ZNF385B: variants seen among roughly 807,000 people sequenced by gnomAD.
ZNF385B encodes the protein zinc finger protein 385B.
ZNF385B carries 23 observed loss-of-function variants against 39.2 expected under a neutral mutation model. The ratio of observed to expected loss-of-function variants is 0.59; its 90% CI spans 0.42 to 0.83. The LOEUF is 0.83. ZNF385B is among the 40% of genes least tolerant of loss of function. ZNF385B has a pLI of 0.00. For synonymous variants in ZNF385B, 205 were observed against 222.6 expected (o/e 0.92, Z 0.70); for missense variants, 552 against 598.9 (o/e 0.92, Z 0.82).
At chr2:179,446,116 T>C (rs1242953487) in intron 7 of ZNF385B, among the ~76,000 whole-genome samples, 1 of 152,322 alleles carries the variant, frequency 6.6e-6, no homozygotes, top group African/African-American at 2.4e-5. Flanking sequence ...TTTCTGATCA[T>C]TATGTTTTAA....
chr2:179,662,581 T>C (rs1310824697), intron 3 of ZNF385B, among the ~76,000 whole-genome samples: 1 of 152,150 alleles, frequency 6.6e-6, no homozygotes, highest in East Asian at 1.9e-4. Context: ...CAAGTTTGAA[T>C]AGCAGTAGGA....
intron 5 of ZNF385B, among the ~76,000 whole-genome samples, chr2:179,514,473 G>C (rs1465987734): frequency 1.3e-5 from 2 of 152,164 alleles, no homozygotes; most frequent in South Asian, 2.1e-4. Flanking sequence ...CCAGAAATTA[G>C]GATATGGGCA....
intron 1 of ZNF385B, among the ~76,000 whole-genome samples, chr2:179,792,738 C>T (rs761186665): frequency 1.3e-5 from 2 of 152,088 alleles, no homozygotes; most frequent in Non-Finnish European, 2.9e-5. Flanking sequence ...GACAAAAAAC[C>T]TAATGCAGTT....
intron 4 of ZNF385B, among the ~76,000 whole-genome samples, chr2:179,532,891 AAATC>A (rs780861034): frequency 1.8e-4 from 27 of 152,324 alleles, no homozygotes; most frequent in Non-Finnish European, 2.9e-4. Context: ...TGGCCTCTGG[AAATC>A]AATCATGCTC....
intron 3 of ZNF385B, among the ~76,000 whole-genome samples, chr2:179,668,622 C>T (rs1050319563): frequency 1.2e-4 from 17 of 142,266 alleles, no homozygotes; most frequent in Admixed American, 2.1e-4. Context: ...CAACACCTTT[C>T]TTTTTTTTTT....
At chr2:179,855,463 T>C (rs1173435468) in intron 1 of ZNF385B, among the ~76,000 whole-genome samples, 3 of 152,214 alleles carry the variant, frequency 2.0e-5, no homozygotes, top group African/African-American at 4.8e-5. Context: ...TATGAAAGCC[T>C]GGTCATCTTT....
At chr2:179,775,609 A>G (rs755764889) in intron 1 of ZNF385B, among the ~76,000 whole-genome samples, 26 of 152,226 alleles carry the variant, frequency 1.7e-4, no homozygotes, top group Non-Finnish European at 2.8e-4. Flanking sequence ...ATTATTTGAC[A>G]TCAATGGCTG....
intron 3 of ZNF385B, among the ~76,000 whole-genome samples, chr2:179,687,460 C>G (rs1444272441): frequency 2.0e-5 from 3 of 152,114 alleles, no homozygotes; most frequent in South Asian, 4.1e-4. Context: ...GTATGACTAA[C>G]TGGCTTGCAT....
chr2:179,454,999 A>G (rs970858908), intron 6 of ZNF385B, among the ~76,000 whole-genome samples: 9 of 152,210 alleles, frequency 5.9e-5, no homozygotes, highest in Non-Finnish European at 1.5e-5. Context: ...CTACAGTAAT[A>G]TCCTAGTACA....
intron 3 of ZNF385B, among the ~76,000 whole-genome samples, chr2:179,636,859 A>C (rs563323998): frequency 1.3e-5 from 2 of 152,346 alleles, no homozygotes; most frequent in African/African-American, 4.8e-5. Flanking sequence ...TTGTGGAATA[A>C]AAGAGTAATC....
At chr2:179,731,578 C>A (rs1428721778) in intron 3 of ZNF385B, among the ~76,000 whole-genome samples, 1 of 152,152 alleles carries the variant, frequency 6.6e-6, no homozygotes, top group Non-Finnish European at 1.5e-5. Context: ...AACACCCATG[C>A]CAGCAATTCT....
chr2:179,645,162 T>C (rs10497543), intron 3 of ZNF385B, among the ~76,000 whole-genome samples: 20,278 of 152,142 alleles, frequency 0.13, 1,385 homozygotes, highest in Non-Finnish European at 0.15. Flanking sequence ...TTACAGCAAA[T>C]GAAAGAAACG....
intron 6 of ZNF385B, among the ~76,000 whole-genome samples, chr2:179,480,125 A>AT (rs1264986223): frequency 6.6e-6 from 1 of 152,188 alleles, no homozygotes; most frequent in Admixed American, 6.5e-5. Context: ...CGTGAGTAAC[A>AT]TTTTCACTTT....
chr2:179,646,548 A>G (rs1363916234), intron 3 of ZNF385B, among the ~76,000 whole-genome samples: 1 of 152,206 alleles, frequency 6.6e-6, no homozygotes, highest in African/African-American at 2.4e-5. Flanking sequence ...TGAATAAATG[A>G]GCTCCTGCTG....
At chr2:179,701,626 T>A (rs1699208349) in intron 3 of ZNF385B, among the ~76,000 whole-genome samples, 1 of 152,240 alleles carries the variant, frequency 6.6e-6, no homozygotes, top group African/African-American at 2.4e-5. Flanking sequence ...TGAGTTATTT[T>A]CATTTTTTAT....
chr2:179,808,822 C>T (rs1559214186), intron 1 of ZNF385B, among the ~76,000 whole-genome samples: 2 of 151,772 alleles, frequency 1.3e-5, no homozygotes, highest in South Asian at 4.1e-4. Flanking sequence ...TACAGCTTTG[C>T]AAAAAAACAA....
At chr2:179,472,055 T>C (rs1047877431) in intron 6 of ZNF385B, among the ~76,000 whole-genome samples, 3 of 152,232 alleles carry the variant, frequency 2.0e-5, no homozygotes, top group Non-Finnish European at 4.4e-5. Flanking sequence ...TTAGGATTAT[T>C]ACCTTGGTAT....
chr2:179,529,781 G>C (rs773351386), intron 4 of ZNF385B, among the ~76,000 whole-genome samples: 7 of 152,054 alleles, frequency 4.6e-5, no homozygotes, highest in Non-Finnish European at 7.4e-5. Flanking sequence ...CAGCAACAAC[G>C]AATAGCTCAA....
intron 1 of ZNF385B, among the ~76,000 whole-genome samples, chr2:179,851,278 T>A (rs1199209441): frequency 6.6e-6 from 1 of 152,104 alleles, no homozygotes; most frequent in African/African-American, 2.4e-5. Context: ...CGGCAAGACA[T>A]CACCAGTACA....
Sources: gnomAD v4.1 joint callset for allele counts (sites outside exome capture counted in the v4.1 genomes callset) on GRCh38, gnomAD v4.1.1 for gene constraint, MANE v1.5 for transcripts, NCBI Gene and HGNC (gene_info 2026-07-23, HGNC 2026-07-21) for gene names.